Variants in STYXL1 observed in about 807,000 individuals in gnomAD.
The protein encoded by STYXL1 is serine/threonine/tyrosine interacting like 1, also known as serine/threonine/tyrosine-interacting-like protein 1.
In STYXL1, 32 loss-of-function variants were observed where a neutral mutation model predicts 36.4. The ratio of observed to expected loss-of-function variants is 0.88; its 90% CI spans 0.66 to 1.18. The LOEUF (loss-of-function observed/expected upper bound fraction) is 1.18. Among genes scored for constraint, STYXL1 ranks in the 50% most tolerant of loss-of-function variants. The pLI is 0.00. For missense variants in STYXL1, 354 were observed against 394.1 expected (o/e 0.90, Z 0.86); for synonymous variants, 133 against 144.1 (o/e 0.92, Z 0.55).
intron 8 of STYXL1, chr7:75,998,484 G>C (rs1790407498): frequency 6.6e-6 from 1 of 152,324 alleles, no homozygotes; most frequent in Non-Finnish European, 1.5e-5. Flanking sequence ...TTTTAGCAGA[G>C]ACGAGGTTTT....
At chr7:76,044,655 C>A in intron 1 of STYXL1, 1 of 152,210 alleles carries the variant, frequency 6.6e-6, no homozygotes. Flanking sequence ...AGGTGACTTC[C>A]GCCCTGGCCT....
At chr7:76,017,866 C>CAAAAAAAAAAAA (rs71082374) in intron 4 of STYXL1, among the ~76,000 whole-genome samples, 1,387 of 10,270 alleles carry the variant, frequency 0.14, 428 homozygotes, top group East Asian at 0.37. Flanking sequence ...AACTCCATCT[C>CAAAAAAAAAAAA]AAAAAAAAAA....
chr7:76,040,389 C>G lies in STYXL1; in HGVS notation c.-5+7273G>C, dbSNP rs376379228. Among the ~76,000 whole-genome samples, 8 of 152,330 alleles carry G rather than the reference C, an allele frequency of 5.3e-5. No individual in the cohort carries two copies. The East Asian group carries it at 1.2e-3, about 22-fold the overall frequency. On this transcript the variant is annotated intron_variant, in intron 1 of 8. Transcript: ENST00000359697. ...CTGACAGAAGGCTTCACTGCAGACT[C>G]AGATCTGCCACAATCAGCGACTCTC...
rs1432243628 is a variant in STYXL1 at position 76,047,958 on chromosome 7, T to C, written c.-301A>G. ...CTAGAACCCAGCCAAACACCGGGGT[T>C]GCCAGGATGGTCCCACAGCTTTCCT... is the stretch of plus-strand genomic sequence containing the variant. On this transcript the variant is annotated 5_prime_UTR_variant, in exon 1 of 9. Transcript: ENST00000359697. 5 of 1,458,878 alleles carry C rather than the reference T, an allele frequency of 3.4e-6. No homozygotes were observed. The South Asian group carries it at 4.1e-5, about 12-fold the overall frequency. The allele number at this position is 1,458,878 out of a possible 1,614,324, so 90.4% of individuals were successfully genotyped here. A position where few individuals can be genotyped will look rare whatever the true frequency, so the allele number is the denominator to read the frequency against.
rs180672876 is a variant in STYXL1, at chr7:76,004,722, C to T, written c.599+537G>A. On this transcript the variant is annotated intron_variant, in intron 6 of 8. Transcript: ENST00000359697. ...CCATCTCAAAAAATAATAAAATAGG[C>T]CAGGCGCGGTGGCTCATGCCTGTAA... Among the ~76,000 whole-genome samples, 199 of 147,002 alleles carry T rather than the reference C, an allele frequency of 1.4e-3. 9 individuals carry two copies. In the South Asian group the frequency reaches 0.039, roughly 29 times the overall value.
intron 4 of STYXL1, among the ~76,000 whole-genome samples, chr7:76,017,270 G>A (rs2109718): frequency 0.2 from 30,977 of 151,866 alleles, 3,840 homozygotes; most frequent in East Asian, 0.37. Flanking sequence ...TGATCCACCC[G>A]CCTTGGCCCC....
chr7:76,030,601 A>G (rs1795218289), intron 1 of STYXL1, 74 bp from the exon 2 acceptor site: 3 of 884,366 alleles, frequency 3.4e-6, no homozygotes, highest in Non-Finnish European at 3.7e-6. Context: ...AATATAATGA[A>G]TTAAACTCTT....
At chr7:76,003,069 C>T (rs376146797) in intron 7 of STYXL1, among the ~76,000 whole-genome samples, 1 of 152,198 alleles carries the variant, frequency 6.6e-6, no homozygotes, top group Non-Finnish European at 1.5e-5. Flanking sequence ...GCTCTCTCTA[C>T]AGATCTTACT....
intron 3 of STYXL1, among the ~76,000 whole-genome samples, chr7:76,026,367 C>T (rs1554577727): frequency 6.6e-6 from 1 of 151,726 alleles, no homozygotes; most frequent in East Asian, 2.0e-4. Flanking sequence ...GTGCAATCAG[C>T]CTCCTGGACT....
chr7:76,028,380 A>G (rs1554578313), intron 3 of STYXL1, among the ~76,000 whole-genome samples: 1 of 152,126 alleles, frequency 6.6e-6, no homozygotes, highest in East Asian at 1.9e-4. Context: ...GTGCCACTGC[A>G]CTCCAGCCTG....
chr7:76,018,705 T>C (rs538606385), intron 4 of STYXL1, among the ~76,000 whole-genome samples: 1 of 152,334 alleles, frequency 6.6e-6, no homozygotes, highest in East Asian at 1.9e-4. Context: ...CATTCCTTTT[T>C]ATGGCTGAGT....
chr7:76,006,061 T>TTTTTC (rs1419331138), intron 5 of STYXL1, among the ~76,000 whole-genome samples: 9 of 151,956 alleles, frequency 5.9e-5, no homozygotes, highest in Admixed American at 5.2e-4. Flanking sequence ...TCAACCCATC[T>TTTTTC]TTTTCTTTTC....
At chr7:76,002,419 G>A (rs568072825) in intron 7 of STYXL1, among the ~76,000 whole-genome samples, 2 of 152,298 alleles carry the variant, frequency 1.3e-5, no homozygotes, top group African/African-American at 4.8e-5. Context: ...GAAGAAGGAC[G>A]CAGAGATGAC....
At chr7:76,020,421 C>T (rs1554575716) in intron 4 of STYXL1, among the ~76,000 whole-genome samples, 1 of 152,132 alleles carries the variant, frequency 6.6e-6, no homozygotes, top group African/African-American at 2.4e-5. Flanking sequence ...AGCCCAAAAC[C>T]AGGGGCTAAT....
In STYXL1 at chr7:75,996,359, A is replaced by C; in HGVS notation, c.*109T>G. The C allele has an allele frequency of 1.2e-6, 2 of 1,602,080 alleles. No individual in the cohort carries two copies. The highest frequency in any genetic ancestry group is 1.7e-6 in the Non-Finnish European group (2 of 1,175,282). On this transcript the variant is annotated 3_prime_UTR_variant, in exon 9 of 9. Transcript: ENST00000359697. ...GGCTAACATGAGACTTTCAGGCAGC[A>C]AAGGCCTTCTCCTTCCAGACAAGCC...
Position 76,047,739 on chromosome 7 carries a change from G to C in STYXL1, c.-82C>G. ...TGGCTGAGGTCGGGGGCTCGGGTCT[G>C]GGACGCGCTCCACCTCCCCGGCTGC... On this transcript the variant is annotated 5_prime_UTR_variant, in exon 1 of 9. Coordinates refer to ENST00000359697, the MANE Select transcript of STYXL1 (RefSeq NM_001317785.2). The C allele has an allele frequency of 3.3e-6, 1 of 306,918 alleles. No homozygotes were observed. The highest frequency in any genetic ancestry group is 3.1e-5 in the South Asian group (1 of 32,600). The allele number at this position is 306,918 out of a possible 1,614,324, so 19.0% of individuals were successfully genotyped here.
chr7:76,044,045 C>G (rs1297230195), intron 1 of STYXL1: 1 of 152,200 alleles, frequency 6.6e-6, no homozygotes, highest in East Asian at 1.9e-4. Flanking sequence ...TTGCAAAACA[C>G]CAAGTAAAAT....
intron 4 of STYXL1, among the ~76,000 whole-genome samples, chr7:76,016,293 C>CGTACATGTGTATAT (rs1793321206): frequency 1.3e-5 from 2 of 151,138 alleles, no homozygotes; most frequent in African/African-American, 4.9e-5. Flanking sequence ...TATATCTATA[C>CGTACATGTGTATAT]ATACATGTGT....
Position 76,021,977 on chromosome 7 carries a change from G to A in STYXL1, c.181C>T (p.Leu61Phe). ...TCCAGGTCCACAGACTCCGGGAGAA[G>A]ATATTCATTATTTTTCTTAAAAAAA... is the stretch of plus-strand genomic sequence containing the variant. Reference protein sequence around the residue: ...LRVKKKNNEYLLPESVDLECV... With the variant: ...LRVKKKNNEYFLPESVDLECV... The change falls in exon 4 of 9, where the codon CTT (leucine) becomes TTT (phenylalanine). Residue 61 changes from leucine to phenylalanine, a missense_variant. Physicochemically the swap from Leu to Phe is conservative, Grantham distance 22. Transcript: ENST00000359697. 1 of 1,604,422 alleles carries A rather than the reference G, an allele frequency of 6.2e-7. No individual in the cohort carries two copies. The highest frequency in any genetic ancestry group is 8.5e-7 in the Non-Finnish European group (1 of 1,178,090).
Sources: gnomAD v4.1 joint callset for allele counts (sites outside exome capture counted in the v4.1 genomes callset) on GRCh38, gnomAD v4.1.1 for gene constraint, MANE v1.5 for transcripts, NCBI Gene and HGNC (gene_info 2026-07-23, HGNC 2026-07-21) for gene names.